FAAH2: variants seen among roughly 807,000 people sequenced by gnomAD.
FAAH2 encodes fatty acid amide hydrolase 2.
Under a neutral mutation model 36.9 loss-of-function variants are expected in FAAH2, and 60 were observed. The ratio of observed to expected loss-of-function variants is 1.63; its 90% CI spans 1.32 to 2.02. The LOEUF (loss-of-function observed/expected upper bound fraction) is 2.02. Ranked by LOEUF, FAAH2 falls within the 30% of genes most tolerant of loss-of-function variation. The pLI, the probability that FAAH2 is intolerant of heterozygous loss-of-function variation, is 0.00. For missense variants in FAAH2, 689 were observed against 397.5 expected (o/e 1.73, Z -6.23); for synonymous variants, 214 against 143.8 (o/e 1.49, Z -3.49).
At chrX:57,444,394 C>T (rs192843293) in intron 8 of FAAH2, among the ~76,000 whole-genome samples, 14 of 112,314 alleles carry the variant, frequency 1.2e-4, no homozygotes, top group East Asian at 1.1e-3. Context: ...CTGTGGGCTT[C>T]GGACCCTCTG....
intron 10 of FAAH2, among the ~76,000 whole-genome samples, chrX:57,482,798 G>C (rs1348971345): frequency 1.0e-5 from 1 of 100,021 alleles, no homozygotes; most frequent in Admixed American, 1.1e-4. Context: ...AAAATTTTTG[G>C]CTGCAGGTTT....
intron 3 of FAAH2, among the ~76,000 whole-genome samples, chrX:57,319,608 T>C (rs1288583340): frequency 8.9e-6 from 1 of 112,128 alleles, no homozygotes; most frequent in Non-Finnish European, 1.9e-5. Context: ...AAGTAATTTA[T>C]AGATTCAATG....
At chrX:57,329,136 A>G (rs1469338322) in intron 3 of FAAH2, among the ~76,000 whole-genome samples, 1 of 112,395 alleles carries the variant, frequency 8.9e-6, no homozygotes, top group African/African-American at 3.2e-5. Context: ...AGCAGGTACC[A>G]GGGTGCTGAC....
chrX:57,352,285 A>G (rs2147106396), intron 5 of FAAH2, among the ~76,000 whole-genome samples: 1 of 104,662 alleles, frequency 9.6e-6, no homozygotes, highest in Non-Finnish European at 2.0e-5. Flanking sequence ...TGGGTGTTAT[A>G]CCAGGGATGT....
chrX:57,140,245 A>AT, the FAAH2 span, among the ~76,000 whole-genome samples: 8 of 109,617 alleles, frequency 7.3e-5, no homozygotes, highest in Admixed American at 2.0e-4. Flanking sequence ...GGATCTTTAG[A>AT]TTTTTTCTAA....
At position 57,459,968 on chromosome X, in the gene FAAH2, A is replaced by T. The variant is rs763735433; in HGVS notation, c.1423+11250A>T. Among the ~76,000 whole-genome samples, 4 of 111,680 alleles carry T rather than the reference A, an allele frequency of 3.6e-5. No homozygotes were observed. The South Asian group carries it at 1.5e-3, about 42-fold the overall frequency. ...CAAGTGATCACAAATCCTCTCCAGC[A>T]AGGGCACAAAAATGCATGCAGAATG... On this transcript the variant is annotated intron_variant, in intron 10 of 10. Coordinates refer to ENST00000374900, the MANE Select transcript of FAAH2 (RefSeq NM_174912.4).
chrX:57,331,354 C>T (rs778427493), intron 3 of FAAH2, among the ~76,000 whole-genome samples: 1 of 111,005 alleles, frequency 9.0e-6, no homozygotes, highest in South Asian at 3.8e-4. Context: ...TCCCAGTGAA[C>T]AGTAGCCCTG....
At chrX:57,468,257 G>C (rs1408558781) in intron 10 of FAAH2, among the ~76,000 whole-genome samples, 1 of 112,047 alleles carries the variant, frequency 8.9e-6, no homozygotes, top group East Asian at 2.8e-4. Flanking sequence ...GAATGACTTT[G>C]ACGAGTTGAG....
At chrX:57,293,568 C>A (rs986339659) in intron 2 of FAAH2, among the ~76,000 whole-genome samples, 2 of 111,918 alleles carry the variant, frequency 1.8e-5, no homozygotes, top group Non-Finnish European at 3.8e-5. Context: ...GAGGTCCTGA[C>A]TTGTCTCTTT....
At chrX:57,195,877 T>A in the FAAH2 span, among the ~76,000 whole-genome samples, 1 of 112,395 alleles carries the variant, frequency 8.9e-6, no homozygotes, top group Non-Finnish European at 1.9e-5. Context: ...TTACTTTATG[T>A]TTCTGTTTGC....
chrX:57,232,031 G>A, the FAAH2 span, among the ~76,000 whole-genome samples: 5 of 111,465 alleles, frequency 4.5e-5, no homozygotes, highest in African/African-American at 1.6e-4. Flanking sequence ...CAGCCTAGGG[G>A]CCCTCTTGGA....
At chrX:57,317,370 G>C (rs1213990553) in intron 3 of FAAH2, among the ~76,000 whole-genome samples, 1 of 112,210 alleles carries the variant, frequency 8.9e-6, no homozygotes, top group Non-Finnish European at 1.9e-5. Context: ...TGCAATCCTA[G>C]TCTCTAATAA....
intron 7 of FAAH2, chrX:57,395,075 A>C (rs1340524348): frequency 1.8e-6 from 1 of 548,519 alleles, no homozygotes; most frequent in Admixed American, 2.3e-5. Flanking sequence ...AATAGCATTG[A>C]TCACTCCTTC....
At chrX:57,243,329 C>G in the FAAH2 span, among the ~76,000 whole-genome samples, 12 of 112,136 alleles carry the variant, frequency 1.1e-4, no homozygotes, top group Non-Finnish European at 2.3e-4. Context: ...GCAACTTCAG[C>G]AGACAAATGT....
rs1490225597 is a variant in FAAH2, at chrX:57,349,270, C to T, written c.742+7880C>T. ...ATATCTGTGTGTATATATGTATATA[C>T]ATATATACATATATACATATATACA... On this transcript the variant is annotated intron_variant, in intron 5 of 10. Coordinates refer to ENST00000374900, the MANE Select transcript of FAAH2 (RefSeq NM_174912.4). 3.6e-3 allele frequency among the ~76,000 whole-genome samples: 323 copies of T among 89,468 alleles called. 2 individuals carry two copies. Among genetic ancestry groups the T allele is most frequent in the African/African-American group, 0.011 (273 of 24,969 alleles). 77.7% of individuals were successfully genotyped at this position (89,468 alleles called of 115,157 possible). A position where few individuals can be genotyped will look rare whatever the true frequency, so the allele number is the denominator to read the frequency against.
At chrX:57,455,785 A>G (rs1367011874) in intron 10 of FAAH2, among the ~76,000 whole-genome samples, 1 of 112,277 alleles carries the variant, frequency 8.9e-6, no homozygotes, top group Non-Finnish European at 1.9e-5. Context: ...CCCAATGTAG[A>G]AGTACCTGGA....
At chrX:57,251,737 G>A in the FAAH2 span, among the ~76,000 whole-genome samples, 1 of 111,708 alleles carries the variant, frequency 9.0e-6, no homozygotes, top group African/African-American at 3.3e-5. Flanking sequence ...TTCCAAGACG[G>A]CCGAATAGGA....
the FAAH2 span, among the ~76,000 whole-genome samples, chrX:57,255,790 C>T: frequency 2.7e-5 from 3 of 111,523 alleles, no homozygotes; most frequent in African/African-American, 9.8e-5. Context: ...ATAATAAGAA[C>T]AATATATGAC....
intron 5 of FAAH2, among the ~76,000 whole-genome samples, chrX:57,366,858 G>A (rs778066515): frequency 2.7e-5 from 3 of 112,060 alleles, no homozygotes; most frequent in Non-Finnish European, 5.6e-5. Flanking sequence ...ACACAGCCAT[G>A]TTCTTTTCGG....
Sources: gnomAD v4.1 joint callset for allele counts (sites outside exome capture counted in the v4.1 genomes callset) on GRCh38, gnomAD v4.1.1 for gene constraint, MANE v1.5 for transcripts, NCBI Gene and HGNC (gene_info 2026-07-23, HGNC 2026-07-21) for gene names.